The following AASDH variants were observed in gnomAD, a reference collection of about 807,000 sequenced individuals.
AASDH encodes beta-alanine-activating enzyme.
Under a neutral mutation model 102.3 loss-of-function variants are expected in AASDH, and 81 were observed. That is an observed-to-expected ratio of 0.79 (90% CI 0.66 to 0.95). The LOEUF (loss-of-function observed/expected upper bound fraction) is 0.95. Among genes scored for constraint, AASDH ranks in the 40% least tolerant of loss-of-function variants. The pLI, the probability that AASDH is intolerant of heterozygous loss-of-function variation, is 0.00. For synonymous variants in AASDH, 398 were observed against 454.0 expected (o/e 0.88, Z 1.57); for missense variants, 1,203 against 1,266.2 (o/e 0.95, Z 0.76).
Position 56,338,310 on chromosome 4 carries a change from C to CTTCT in AASDH, c.*88_*91dup, listed in dbSNP as rs35451510. 533,957 of 1,358,456 alleles carry CTTCT rather than the reference C, an allele frequency of 0.39. 110,282 individuals carry two copies. The highest frequency in any genetic ancestry group is 0.42 in the Non-Finnish European group (420,709 of 1,000,602). 84.2% of individuals were successfully genotyped at this position (1,358,456 alleles called of 1,614,324 possible). On this transcript the variant is annotated 3_prime_UTR_variant, in exon 15 of 15. Transcript: ENST00000205214. Reference sequence around the variant, plus strand: ...TTCCGTTTCTTAGCCAAAATATAATCTTCTTTAATATAAAATAAGTCCACA... The same window carrying CTTCT: ...TTCCGTTTCTTAGCCAAAATATAATCTTCTTTCTTTAATATAAAATAAGTCCACA...
chr4:56,362,964 C>T (rs1750494772), intron 5 of AASDH, among the ~76,000 whole-genome samples: 1 of 152,198 alleles, frequency 6.6e-6, no homozygotes, highest in South Asian at 2.1e-4. Flanking sequence ...CAGGGAATTC[C>T]CTTTCCTAGT....
intron 2 of AASDH, 89 bp downstream of exon 2, chr4:56,383,981 G>C (rs1753262568): frequency 3.5e-6 from 4 of 1,151,138 alleles, no homozygotes; most frequent in Non-Finnish European, 5.0e-6. Flanking sequence ...AAGTCCAATA[G>C]TAAACAGAAC....
At position 56,382,564 on chromosome 4, in the gene AASDH, G is replaced by A. The variant is rs202223246; in HGVS notation, c.264C>T (p.Ile88=). Residue 88 remains isoleucine, a synonymous_variant, in exon 3 of 15, where the codon ATC becomes ATT. Coordinates refer to ENST00000205214, the MANE Select transcript of AASDH (RefSeq NM_181806.4). ...ILQVPAAYVP[I]EPDSPPSLST... Reference sequence around the variant, plus strand: ...ATAATGACGGTGGTGAATCTGGCTCGATAGGTACATAAGCAGCCGGGACTT... The same window carrying A: ...ATAATGACGGTGGTGAATCTGGCTCAATAGGTACATAAGCAGCCGGGACTT... 1.7e-5 allele frequency: 28 copies of A among 1,611,830 alleles called. No individual in the cohort carries two copies. Among genetic ancestry groups the A allele is most frequent in the East Asian group, 1.6e-4 (7 of 44,750 alleles).
intron 12 of AASDH, among the ~76,000 whole-genome samples, chr4:56,344,805 C>T (rs932226996): frequency 6.6e-6 from 1 of 152,110 alleles, no homozygotes; most frequent in South Asian, 2.1e-4. Flanking sequence ...TCTTCCCAGA[C>T]CACACAAGCT....
At chr4:56,371,770 T>A in intron 4 of AASDH, 127 bp from the exon 5 acceptor site, 3 of 838,590 alleles carry the variant, frequency 3.6e-6, no homozygotes, top group Non-Finnish European at 3.4e-6. Flanking sequence ...TCTTCTCTCT[T>A]AAATTAGCCA....
At chr4:56,351,155 C>A (rs1399256624) in intron 10 of AASDH, among the ~76,000 whole-genome samples, 187 bp downstream of exon 10, 1 of 152,138 alleles carries the variant, frequency 6.6e-6, no homozygotes. Context: ...GAAACTTAAT[C>A]TAGTCTTATA....
At chr4:56,343,339 A>AAAAC (rs752360176) in intron 13 of AASDH, among the ~76,000 whole-genome samples, 2,358 of 114,128 alleles carry the variant, frequency 0.021, 71 homozygotes, top group African/African-American at 0.072. Context: ...ACTCTGTCAA[A>AAAAC]AAACAAACAA....
intron 5 of AASDH, among the ~76,000 whole-genome samples, chr4:56,358,522 T>C (rs1749892349): frequency 1.3e-5 from 2 of 151,110 alleles, no homozygotes; most frequent in South Asian, 4.2e-4. Flanking sequence ...AGTTCCCTTC[T>C]ATTCCTAGCT....
chr4:56,366,323 C>A (rs1751001958), intron 5 of AASDH, among the ~76,000 whole-genome samples: 1 of 152,230 alleles, frequency 6.6e-6, no homozygotes, highest in South Asian at 2.1e-4. Flanking sequence ...CCTTCTCAAA[C>A]TATTCCAATC....
chr4:56,369,959 A>C (rs1350570067), intron 5 of AASDH, among the ~76,000 whole-genome samples: 4 of 151,184 alleles, frequency 2.6e-5, no homozygotes, highest in African/African-American at 9.7e-5. Flanking sequence ...AAAAAAAAAA[A>C]AAAACAGACA....
At chr4:56,370,510 G>A (rs1454840916) in intron 5 of AASDH, among the ~76,000 whole-genome samples, 1 of 152,190 alleles carries the variant, frequency 6.6e-6, no homozygotes, top group East Asian at 1.9e-4. Flanking sequence ...TGCAGGCAGA[G>A]ACCTCATGAA....
At position 56,367,466 on chromosome 4, in the gene AASDH, T is replaced by C. The variant is rs1353663309; in HGVS notation, c.861+3985A>G. On this transcript the variant is annotated intron_variant, in intron 5 of 14. Coordinates refer to ENST00000205214, the MANE Select transcript of AASDH (RefSeq NM_181806.4). The stretch of plus-strand genomic sequence containing the variant: ...GGCATCATGCTACCTGACTTCAAAC[T>C]ATATGACAAGGCTACAGTAACCAAA... Among the ~76,000 whole-genome samples the C allele has an allele frequency of 7.3e-4, 72 of 98,118 alleles. 9 individuals are homozygous for C. The highest frequency in any genetic ancestry group is 2.7e-3 in the African/African-American group (72 of 27,116). 64.4% of individuals were successfully genotyped at this position (98,118 alleles called of 152,430 possible).
chr4:56,383,954 G>T, intron 2 of AASDH, 116 bp downstream of exon 2: 1 of 810,956 alleles, frequency 1.2e-6, no homozygotes, highest in Non-Finnish European at 1.9e-6. Context: ...CTCTACAATT[G>T]ACCAAACAAT....
At chr4:56,338,852 AAGCTCT>A in intron 14 of AASDH, 61 bp from the exon 15 acceptor site, 1 of 1,483,118 alleles carries the variant, frequency 6.7e-7, no homozygotes, top group Non-Finnish European at 9.2e-7. Flanking sequence ...TTCTCCCTTA[AAGCTCT>A]ATGAGGTTCT....
chr4:56,376,653 A>G (rs1160784699), intron 4 of AASDH, among the ~76,000 whole-genome samples: 2 of 152,374 alleles, frequency 1.3e-5, no homozygotes, highest in East Asian at 1.9e-4. Context: ...AGTATAAAAT[A>G]TATGCCAGAT....
At chr4:56,367,273 G>A (rs1177118619) in intron 5 of AASDH, among the ~76,000 whole-genome samples, 4 of 151,496 alleles carry the variant, frequency 2.6e-5, no homozygotes, top group East Asian at 1.9e-4. Flanking sequence ...AATCAATATC[G>A]TGACAATGGC....
chr4:56,382,116 A>G (rs1302391775), intron 3 of AASDH: 2 of 160,142 alleles, frequency 1.2e-5, no homozygotes, highest in Non-Finnish European at 2.7e-5. Flanking sequence ...AAAACAATGC[A>G]TAATATATTA....
Position 56,349,433 on chromosome 4 carries a change from AC to A in AASDH, c.2317del (p.Val773LeufsTer2), listed in dbSNP as rs1477478541. On this transcript the variant is annotated frameshift_variant, in exon 11 of 15. Coordinates refer to ENST00000205214, the MANE Select transcript of AASDH (RefSeq NM_181806.4). LOFTEE classifies it high-confidence loss of function. ...TGKCVDASPL[V>X]VIPTFDKSST... ...TGACTTATCAAAAGTGGGTATTACA[AC>A]CAGCGGTGAAGCATCTACACATTTG... 1 of 1,613,980 alleles carries A rather than the reference AC, an allele frequency of 6.2e-7. No homozygotes were observed. The highest frequency in any genetic ancestry group is 8.5e-7 in the Non-Finnish European group (1 of 1,180,004).
At chr4:56,380,603 T>C (rs1342977538) in intron 3 of AASDH, among the ~76,000 whole-genome samples, 1 of 152,192 alleles carries the variant, frequency 6.6e-6, no homozygotes, top group African/African-American at 2.4e-5. Flanking sequence ...CTTAGGACAA[T>C]TATCACACTA....
Sources: allele counts gnomAD v4.1 joint callset (sites outside exome capture counted in the v4.1 genomes callset), GRCh38; gene constraint gnomAD v4.1.1; transcripts MANE v1.5; gene names NCBI Gene and HGNC (gene_info 2026-07-23, HGNC 2026-07-21).